The following MALRD1 variants were observed in gnomAD, a reference collection of about 807,000 sequenced individuals.
MALRD1 encodes the protein MAM and LDL-receptor class A domain-containing protein 1.
In MALRD1, 247 loss-of-function variants were observed where a neutral mutation model predicts 242.1. The ratio of observed to expected loss-of-function variants is 1.02; its 90% CI spans 0.92 to 1.13. The LOEUF is 1.13. Ranked by LOEUF, MALRD1 falls within the 50% of genes most tolerant of loss-of-function variation. The pLI is 0.00. For missense variants in MALRD1, 2,989 were observed against 2,533.1 expected, an observed-to-expected ratio of 1.18 and a Z score of -3.86; for synonymous variants, 995 against 866.6, an observed-to-expected ratio of 1.15 and a Z score of -2.60.
intron 1 of MALRD1, among the ~76,000 whole-genome samples, chr10:19,063,930 A>G (rs1347738926): frequency 2.0e-5 from 3 of 151,990 alleles, no homozygotes; most frequent in Non-Finnish European, 2.9e-5. Context: ...GTACCCTAAA[A>G]CTTAAAGTAT....
At chr10:19,390,094 T>A (rs1846274379) in intron 28 of MALRD1, among the ~76,000 whole-genome samples, 1 of 152,326 alleles carries the variant, frequency 6.6e-6, no homozygotes, top group Admixed American at 6.5e-5. Flanking sequence ...GAACCAGCTT[T>A]GAGTTCAACA....
In MALRD1 at chr10:19,104,091, C is replaced by G; in HGVS notation, c.694+16C>G. 8.3e-7 allele frequency: 1 copy of G among 1,202,698 alleles called. No homozygotes were observed. The highest frequency in any genetic ancestry group is 1.0e-6 in the Non-Finnish European group (1 of 959,952). The allele number at this position is 1,202,698 out of a possible 1,614,324, so 74.5% of individuals were successfully genotyped here. On this transcript the variant is annotated intron_variant, in intron 5 of 39. Transcript: ENST00000454679. ...CCTGCCAATGGTAAGAACTTTTTCTCTCATTTTGATCTTTACTGTGTTTAA... is the reference window on the plus strand; with the variant it reads ...CCTGCCAATGGTAAGAACTTTTTCTGTCATTTTGATCTTTACTGTGTTTAA...
chr10:19,726,902 G>A lies in MALRD1; in HGVS notation c.6315-3804G>A, dbSNP rs986235920. ...GGTGAGGTACCTCGAGTCTCATAAA[G>A]ACAGAAGGTAAATCAGAATTTACCT... On this transcript the variant is annotated intron_variant, in intron 38 of 39. Transcript: ENST00000454679. Among the ~76,000 whole-genome samples the A allele has an allele frequency of 2.0e-5, 3 of 152,164 alleles. No homozygotes were observed. The South Asian group carries it at 6.2e-4, about 32-fold the overall frequency.
chr10:19,598,578 G>A (rs138766376), intron 34 of MALRD1: 2 of 152,174 alleles, frequency 1.3e-5, no homozygotes, highest in Non-Finnish European at 2.9e-5. Context: ...AACATGTTGG[G>A]GGAAGATGTG....
chr10:19,468,239 G>C (rs1169589956), intron 29 of MALRD1, among the ~76,000 whole-genome samples: 2 of 152,170 alleles, frequency 1.3e-5, no homozygotes, highest in African/African-American at 4.8e-5. Context: ...GGAATTAGGT[G>C]ATTATCCTGA....
rs1464310558 is a variant in MALRD1 at position 19,700,019 on chromosome 10, TAGAC to T, written c.6314+7467_6314+7470del. ...AGAAGGGTCCCAAGTGAAATTGATT[TAGAC>T]ACACACACACACACACACACACACA... is the stretch of plus-strand genomic sequence containing the variant. On this transcript the variant is annotated intron_variant, in intron 38 of 39. Coordinates refer to ENST00000454679, the MANE Select transcript of MALRD1 (RefSeq NM_001142308.3). Among the ~76,000 whole-genome samples, 257 of 119,508 alleles carry T rather than the reference TAGAC, an allele frequency of 2.2e-3. 1 individual carries two copies. The highest frequency in any genetic ancestry group is 9.0e-3 in the African/African-American group (247 of 27,314). 78.4% of individuals were successfully genotyped at this position (119,508 alleles called of 152,430 possible). A position where few individuals can be genotyped will look rare whatever the true frequency, so the allele number is the denominator to read the frequency against.
Position 19,553,496 on chromosome 10 carries a change from A to G in MALRD1, c.5479-14006A>G, listed in dbSNP as rs1021151900. Among the ~76,000 whole-genome samples, 8 of 152,248 alleles carry G rather than the reference A, an allele frequency of 5.3e-5. No individual in the cohort carries two copies. In the South Asian group the frequency reaches 8.3e-4, roughly 16 times the overall value. On this transcript the variant is annotated intron_variant, in intron 32 of 39. Coordinates refer to ENST00000454679, the MANE Select transcript of MALRD1 (RefSeq NM_001142308.3). ...AACAGCTTGTACTGTGTTTTAAAAA[A>G]TTTTATACTTTTCATAACTAAATTC...
chr10:19,460,648 G>A (rs1415444409), intron 29 of MALRD1, among the ~76,000 whole-genome samples: 1 of 152,094 alleles, frequency 6.6e-6, no homozygotes, highest in Admixed American at 6.5e-5. Flanking sequence ...TGAATTCCTA[G>A]TAAATAGAGG....
Position 19,205,079 on chromosome 10 carries a change from G to A in MALRD1, c.2392G>A (p.Gly798Ser). ...FHLSLDKVSL[G>S]IYDGVSAIDD... is the part of the protein sequence containing the mutation. ...TTTGTCACTAGATAAAGTCAGTCTG[G>A]GCATTTATGATGGGGTCTCAGCTAT... The change falls in exon 17 of 40, where the codon GGC (glycine) becomes AGC (serine). Residue 798 changes from glycine (G) to serine (S), a missense_variant. Physicochemically the swap from Gly to Ser is moderately conservative, Grantham distance 56. Coordinates refer to ENST00000454679, the MANE Select transcript of MALRD1 (RefSeq NM_001142308.3). The A allele has an allele frequency of 6.4e-7, 1 of 1,550,660 alleles. No homozygotes were observed.
At chr10:19,399,384 CTGTT>C (rs1484854648) in intron 28 of MALRD1, among the ~76,000 whole-genome samples, 11 of 152,238 alleles carry the variant, frequency 7.2e-5, no homozygotes, top group African/African-American at 1.7e-4. Context: ...ATGATAGTAA[CTGTT>C]TGTAGAACTC....
intron 18 of MALRD1, among the ~76,000 whole-genome samples, chr10:19,233,394 C>T (rs572693343): frequency 3.9e-5 from 6 of 151,958 alleles, no homozygotes; most frequent in Admixed American, 1.3e-4. Flanking sequence ...CCCAGCTACT[C>T]GGGAGGCTGA....
At chr10:19,299,065 G>A (rs915138859) in intron 21 of MALRD1, among the ~76,000 whole-genome samples, 10 of 151,602 alleles carry the variant, frequency 6.6e-5, no homozygotes, top group African/African-American at 1.5e-4. Context: ...GTCTACAACC[G>A]GAAGGAAAAC....
intron 26 of MALRD1, among the ~76,000 whole-genome samples, chr10:19,381,530 T>C (rs1845837113): frequency 6.6e-6 from 1 of 151,932 alleles, no homozygotes; most frequent in Non-Finnish European, 1.5e-5. Flanking sequence ...TATAACCTCA[T>C]TGAAAAATGG....
At chr10:19,661,355 A>C (rs934495874) in intron 36 of MALRD1, among the ~76,000 whole-genome samples, 1 of 152,214 alleles carries the variant, frequency 6.6e-6, no homozygotes, top group African/African-American at 2.4e-5. Flanking sequence ...TTGCAGCACT[A>C]TTCACAATAG....
At chr10:19,058,450 G>A (rs551414059) in intron 1 of MALRD1, among the ~76,000 whole-genome samples, 15 of 152,228 alleles carry the variant, frequency 9.9e-5, no homozygotes, top group African/African-American at 3.6e-4. Flanking sequence ...TCTTTGATGT[G>A]TAATAGATTT....
chr10:19,405,703 A>G (rs1302044772), intron 28 of MALRD1, among the ~76,000 whole-genome samples: 1 of 152,190 alleles, frequency 6.6e-6, no homozygotes, highest in Non-Finnish European at 1.5e-5. Context: ...ACTTTCACAC[A>G]TAGATTCTCT....
chr10:19,425,508 C>A (rs949200043), intron 28 of MALRD1, among the ~76,000 whole-genome samples: 16 of 151,942 alleles, frequency 1.1e-4, no homozygotes, highest in African/African-American at 3.9e-4. Context: ...CTTTTCTTTT[C>A]TTTCCTTTTC....
chr10:19,622,300 A>C (rs928733395), intron 36 of MALRD1, among the ~76,000 whole-genome samples: 3 of 151,836 alleles, frequency 2.0e-5, no homozygotes, highest in African/African-American at 7.2e-5. Context: ...ATATAAAATT[A>C]GTATTCTTAG....
chr10:19,270,920 A>C (rs2131847966), intron 19 of MALRD1, among the ~76,000 whole-genome samples: 1 of 152,258 alleles, frequency 6.6e-6, no homozygotes, highest in South Asian at 2.1e-4. Flanking sequence ...TGTGAATCTC[A>C]GAAAGACACA....
Sources: gnomAD v4.1 joint callset for allele counts (sites outside exome capture counted in the v4.1 genomes callset) on GRCh38, gnomAD v4.1.1 for gene constraint, MANE v1.5 for transcripts, NCBI Gene and HGNC (gene_info 2026-07-23, HGNC 2026-07-21) for gene names.